The following SAFB variants were observed in gnomAD, a reference collection of about 807,000 sequenced individuals.
SAFB encodes the protein scaffold attachment factor B1.
A neutral mutation model predicts 101.6 loss-of-function variants in SAFB; 15 were observed. The observed-to-expected ratio is 0.15, with a 90% CI of 0.10 to 0.23. SAFB has a LOEUF of 0.23. SAFB is among the 10% of genes least tolerant of loss of function. SAFB has a pLI of 1.00. For synonymous variants in SAFB, 449 were observed against 407.5 expected (o/e 1.10, Z -1.23); for missense variants, 930 against 1,104.1 (o/e 0.84, Z 2.23).
At chr19:5,659,015 C>T (rs185448072) in intron 14 of SAFB, among the ~76,000 whole-genome samples, 11 of 151,698 alleles carry the variant, frequency 7.3e-5, no homozygotes, top group East Asian at 2.0e-4. Context: ...TATGGTGGTG[C>T]GTGCCTGTAA....
intron 14 of SAFB, among the ~76,000 whole-genome samples, chr19:5,660,931 CTG>C (rs1568278163): frequency 1.5e-5 from 2 of 134,844 alleles, no homozygotes; most frequent in Non-Finnish European, 1.5e-5. Flanking sequence ...AGCATATACT[CTG>C]TGGCTTTTTT....
chr19:5,624,223 CT>C (rs551426304), intron 1 of SAFB, among the ~76,000 whole-genome samples: 2,140 of 138,566 alleles, frequency 0.015, 40 homozygotes, highest in African/African-American at 0.042. Flanking sequence ...CTTTTCTATT[CT>C]TTTTTTTTTT....
chr19:5,633,360 G>A (rs1437556702), intron 2 of SAFB, among the ~76,000 whole-genome samples: 1 of 152,108 alleles, frequency 6.6e-6, no homozygotes, highest in Non-Finnish European at 1.5e-5. Context: ...TGCCATTCTT[G>A]GGATACTTTT....
At chr19:5,646,068 ATAGATACAAATTGT>A (rs1398555683) in intron 5 of SAFB, among the ~76,000 whole-genome samples, 1 of 152,050 alleles carries the variant, frequency 6.6e-6, no homozygotes, top group Non-Finnish European at 1.5e-5. Context: ...TCCAGCCTAC[ATAGATACAAATTGT>A]TAGAACACAC....
intron 2 of SAFB, among the ~76,000 whole-genome samples, chr19:5,628,451 ATAATT>A (rs1231409204): frequency 6.6e-6 from 1 of 152,172 alleles, no homozygotes; most frequent in African/African-American, 2.4e-5. Flanking sequence ...ACACCTGAAG[ATAATT>A]TAATACCATA....
intron 15 of SAFB, among the ~76,000 whole-genome samples, chr19:5,662,287 C>T (rs530726180): frequency 3.9e-5 from 6 of 152,204 alleles, no homozygotes; most frequent in East Asian, 3.9e-4. Flanking sequence ...TGCCTTAGCT[C>T]AGGAGTTGAA....
At chr19:5,639,252 A>G (rs991975128) in intron 2 of SAFB, among the ~76,000 whole-genome samples, 2 of 152,246 alleles carry the variant, frequency 1.3e-5, no homozygotes, top group South Asian at 2.1e-4. Flanking sequence ...GTCTCACTCA[A>G]CATGAAACTG....
intron 14 of SAFB, among the ~76,000 whole-genome samples, chr19:5,660,043 G>A (rs905990533): frequency 3.9e-5 from 6 of 152,182 alleles, no homozygotes; most frequent in Non-Finnish European, 7.3e-5. Flanking sequence ...GTGAACTAAG[G>A]AGGTTGCAGT....
At chr19:5,635,772 T>C (rs987046666) in intron 2 of SAFB, among the ~76,000 whole-genome samples, 2 of 151,970 alleles carry the variant, frequency 1.3e-5, no homozygotes, top group Non-Finnish European at 1.5e-5. Flanking sequence ...GAGCAGGCGA[T>C]AGAGGCGATG....
chr19:5,633,765 C>T (rs927245989), intron 2 of SAFB, among the ~76,000 whole-genome samples: 15 of 150,150 alleles, frequency 1.0e-4, no homozygotes, highest in Admixed American at 3.3e-4. Flanking sequence ...GGCGACAGAG[C>T]GAGACTCCGT....
rs754006470 is a variant in SAFB at position 5,667,177 on chromosome 19, C to T, written c.2453+13C>T. On this transcript the variant is annotated intron_variant, in intron 18 of 20. Transcript: ENST00000588852. The surrounding 1 kb of genome is among the most constrained non-coding windows in gnomAD (Gnocchi z 4.0). ...CTCCTCCCCCCAGGTTTGTGTCCCA[C>T]ACCCGACAGTACCTGACCCCCCCCC... 8 of 1,472,326 alleles carry T rather than the reference C, an allele frequency of 5.4e-6. No homozygotes were observed. In the South Asian group the frequency reaches 9.3e-5, roughly 17 times the overall value. 91.2% of individuals were successfully genotyped at this position (1,472,326 alleles called of 1,614,324 possible). A position where few individuals can be genotyped will look rare whatever the true frequency, so the allele number is the denominator to read the frequency against.
intron 14 of SAFB, among the ~76,000 whole-genome samples, chr19:5,660,262 A>G (rs549692625): frequency 2.6e-5 from 4 of 151,424 alleles, no homozygotes; most frequent in African/African-American, 9.7e-5. Flanking sequence ...GATAACTTCT[A>G]ATACAATGAA....
Position 5,653,413 on chromosome 19 carries a change from A to G in SAFB, c.1519A>G (p.Ser507Gly), listed in dbSNP as rs760294525. 4.3e-6 allele frequency: 7 copies of G among 1,613,836 alleles called. No homozygotes were observed. The highest frequency in any genetic ancestry group is 5.9e-6 in the Non-Finnish European group (7 of 1,179,874). ...SDGKKEKSSN[S>G]DRSTNLKRDD... ...CGGGAAAAAGGAGAAGTCGAGCAAC[A>G]GTGACAGGTACCCCTCCTTCCTGGC... Residue 507 changes from serine (S) to glycine (G), a missense_variant, in exon 11 of 21, where the codon AGT (serine) becomes GGT (glycine). Physicochemically the swap from Ser to Gly is moderately conservative, Grantham distance 56. This residue lies in a region of SAFB where 92 missense variants were observed against 83.8 expected (regional missense o/e 1.10). Coordinates refer to ENST00000588852, the MANE Select transcript of SAFB (RefSeq NM_001201338.2).
At chr19:5,628,661 C>G (rs989454179) in intron 2 of SAFB, among the ~76,000 whole-genome samples, 1 of 152,140 alleles carries the variant, frequency 6.6e-6, no homozygotes, top group African/African-American at 2.4e-5. Flanking sequence ...TGGTGAAGTA[C>G]TGGGTTTAAA....
intron 2 of SAFB, among the ~76,000 whole-genome samples, chr19:5,638,618 C>T (rs1193993622): frequency 6.6e-6 from 1 of 151,612 alleles, no homozygotes; most frequent in East Asian, 1.9e-4. Context: ...CCACCACGCC[C>T]AGCCTAAAAT....
intron 13 of SAFB, among the ~76,000 whole-genome samples, chr19:5,656,528 G>A (rs941174775): frequency 5.3e-5 from 8 of 150,970 alleles, no homozygotes; most frequent in East Asian, 1.9e-4. Flanking sequence ...CACCCGTCCC[G>A]GCCTCCCAAA....
chr19:5,623,276 C>T lies in SAFB; in HGVS notation c.71C>T (p.Ser24Leu). 6.2e-7 allele frequency: 1 copy of T among 1,611,626 alleles called. No homozygotes were observed. Among genetic ancestry groups the T allele is most frequent in the Non-Finnish European group, 8.5e-7 (1 of 1,178,956 alleles). Residue 24 changes from serine (S) to leucine (L), a missense_variant, in exon 1 of 21, where the codon TCA becomes TTA. Around this residue, in one of 7 missense-constraint regions of SAFB, gnomAD observed 44 missense variants for 35.8 expected, o/e 1.23. Transcript: ENST00000588852. ...AGAAALSSAS[S>L]ETGTRRLSDL... ...GCGGCGGCTCTGAGCTCCGCCTCGT[C>T]AGAGACCGGGACGCGGCGCCTCAGC...
chr19:5,659,527 G>A (rs1185435410), intron 14 of SAFB, among the ~76,000 whole-genome samples: 3 of 151,608 alleles, frequency 2.0e-5, no homozygotes, highest in Non-Finnish European at 2.9e-5. Flanking sequence ...GACTACAGGC[G>A]CCTGCCATCA....
intron 11 of SAFB, 87 bp downstream of exon 11, chr19:5,653,507 C>T: frequency 1.7e-6 from 2 of 1,190,944 alleles, no homozygotes; most frequent in Non-Finnish European, 2.4e-6. Context: ...CGCTCTGTCG[C>T]CCAGACTGGA....
Sources: allele counts gnomAD v4.1 joint callset (sites outside exome capture counted in the v4.1 genomes callset), GRCh38; gene constraint gnomAD v4.1.1; regional missense constraint gnomAD v4.1.1; non-coding constraint Gnocchi (gnomAD v3.1); transcripts MANE v1.5; gene names NCBI Gene and HGNC (gene_info 2026-07-23, HGNC 2026-07-21).